Variants in AP4S1 observed in about 807,000 individuals in gnomAD.
The protein encoded by AP4S1 is AP-4 complex subunit sigma-1.
AP4S1 carries 23 observed loss-of-function variants against 19.8 expected under a neutral mutation model. The observed-to-expected ratio is 1.16, with a 90% CI of 0.84 to 1.65. AP4S1 has a LOEUF of 1.65. AP4S1 is among the 40% of genes most tolerant of loss of function. The probability of loss-of-function intolerance (pLI) is 0.00; values close to 1 mark genes in which losing one functional copy is unlikely to be tolerated. For synonymous variants in AP4S1, 46 were observed against 54.1 expected (o/e 0.85, Z 0.66); for missense variants, 166 against 172.8 (o/e 0.96, Z 0.22).
intron 4 of AP4S1, among the ~76,000 whole-genome samples, chr14:31,076,984 T>C (rs955733766): frequency 6.6e-6 from 1 of 152,194 alleles, no homozygotes; most frequent in South Asian, 2.1e-4. Context: ...CAGGTTGGAG[T>C]GCAATGGCGT....
chr14:31,045,859 C>T (rs1228484465), intron 1 of AP4S1, among the ~76,000 whole-genome samples: 1 of 151,962 alleles, frequency 6.6e-6, no homozygotes, highest in Admixed American at 6.6e-5. Flanking sequence ...CGTAGATAGC[C>T]TCAGGGTGGG....
At chr14:31,049,187 G>A (rs1474132375) in intron 1 of AP4S1, among the ~76,000 whole-genome samples, 2 of 151,738 alleles carry the variant, frequency 1.3e-5, no homozygotes, top group South Asian at 2.1e-4. Flanking sequence ...GTCGAGGCGG[G>A]TGGATCATGA....
chr14:31,039,780 G>A (rs1298206737), intron 1 of AP4S1, among the ~76,000 whole-genome samples: 2 of 151,394 alleles, frequency 1.3e-5, no homozygotes, highest in Non-Finnish European at 2.9e-5. Flanking sequence ...TAGTAGAGAC[G>A]GGGTTTCACC....
At chr14:31,029,833 CA>C (rs1465314838) in intron 1 of AP4S1, among the ~76,000 whole-genome samples, 2 of 150,670 alleles carry the variant, frequency 1.3e-5, no homozygotes, top group Admixed American at 6.6e-5. Context: ...TTAAGACAAA[CA>C]AAACCCTTCC....
At chr14:31,092,849 T>A in intron 5 of AP4S1, 58 bp from the exon 6 acceptor site, 1 of 1,361,734 alleles carries the variant, frequency 7.3e-7, no homozygotes, top group Non-Finnish European at 1.0e-6. Flanking sequence ...AAGCCATAAA[T>A]TTTTACTGAA....
chr14:31,026,341 G>C, intron 1 of AP4S1: 1 of 703,752 alleles, frequency 1.4e-6, no homozygotes, highest in Non-Finnish European at 2.0e-6. Context: ...TCAGAGCAGG[G>C]AGCTGCCGGC....
chr14:31,084,555 G>A (rs1043445249), intron 5 of AP4S1, among the ~76,000 whole-genome samples: 1 of 152,180 alleles, frequency 6.6e-6, no homozygotes, highest in Non-Finnish European at 1.5e-5. Flanking sequence ...GGTGGGGCGG[G>A]CTGCCCCCTT....
At chr14:31,067,874 A>G (rs1199542598) in intron 2 of AP4S1, among the ~76,000 whole-genome samples, 4 of 146,384 alleles carry the variant, frequency 2.7e-5, no homozygotes, top group Non-Finnish European at 6.0e-5. Flanking sequence ...CTTGAACACA[A>G]TATTTTTTTT....
chr14:31,066,307 GA>G lies in AP4S1; in HGVS notation c.112del (p.Ser38AlafsTer20), dbSNP rs764643375. ...RTLLETEVIK[S>X]CLSRSNEQCS... ...CACTTCTGGAAACAGAAGTCATAAAGAGCTGTCTCTCTCGATCCAATGAACA... is the reference window on the plus strand; with the variant it reads ...CACTTCTGGAAACAGAAGTCATAAAGGCTGTCTCTCTCGATCCAATGAACA... On this transcript the variant is annotated frameshift_variant, in exon 2 of 6. Coordinates refer to ENST00000542754, the MANE Select transcript of AP4S1 (RefSeq NM_001128126.3). LOFTEE classifies it high-confidence loss of function. The G allele has an allele frequency of 6.2e-6, 10 of 1,613,986 alleles. No individual in the cohort carries two copies. The highest frequency in any genetic ancestry group is 8.5e-6 in the Non-Finnish European group (10 of 1,179,944).
intron 1 of AP4S1, among the ~76,000 whole-genome samples, chr14:31,041,243 G>C (rs1269215475): frequency 6.6e-6 from 1 of 151,938 alleles, no homozygotes. Flanking sequence ...TCCACCTCCT[G>C]AGTTCAAGCA....
At chr14:31,066,062 T>G in intron 1 of AP4S1, 64 bp from the exon 2 acceptor site, 1 of 764,488 alleles carries the variant, frequency 1.3e-6, no homozygotes, top group Non-Finnish European at 2.1e-6. Context: ...TATAAAAACA[T>G]TTAATATAAT....
rs1888202760 is a variant in AP4S1 at position 31,096,336 on chromosome 14, C to T, written c.*3301C>T. 6.6e-6 allele frequency: 1 copy of T among 151,980 alleles called. No homozygotes were observed. The highest frequency in any genetic ancestry group is 1.5e-5 in the Non-Finnish European group (1 of 68,004). 9.4% of individuals were successfully genotyped at this position (151,980 alleles called of 1,614,324 possible). The stretch of plus-strand genomic sequence containing the variant: ...TTAGGCGAAAGTATGTACAGTAGTC[C>T]CTCTCTTATCCACTGTTTCGCATTC... On this transcript the variant is annotated 3_prime_UTR_variant, in exon 6 of 6. Coordinates refer to ENST00000542754, the MANE Select transcript of AP4S1 (RefSeq NM_001128126.3).
chr14:31,036,151 A>AT (rs780321748), intron 1 of AP4S1, among the ~76,000 whole-genome samples: 30 of 151,928 alleles, frequency 2.0e-4, no homozygotes, highest in Non-Finnish European at 3.8e-4. Context: ...ATAATCTAAT[A>AT]TATTGTTGCA....
chr14:31,038,174 T>A (rs1884887153), intron 1 of AP4S1, among the ~76,000 whole-genome samples: 1 of 152,224 alleles, frequency 6.6e-6, no homozygotes, highest in Non-Finnish European at 1.5e-5. Flanking sequence ...GCCTGGTATG[T>A]TTTATTTATT....
At chr14:31,074,367 A>ATAAATAAATAAG (rs59441565) in intron 4 of AP4S1, among the ~76,000 whole-genome samples, 3 of 129,116 alleles carry the variant, frequency 2.3e-5, no homozygotes, top group African/African-American at 8.7e-5. Flanking sequence ...AAATAAATAA[A>ATAAATAAATAAG]GTAAGCTGGG....
intron 1 of AP4S1, among the ~76,000 whole-genome samples, chr14:31,036,216 G>A (rs1043500304): frequency 6.6e-6 from 1 of 151,514 alleles, no homozygotes; most frequent in Non-Finnish European, 1.5e-5. Context: ...TTGTTCAATA[G>A]CAATAGATAA....
intron 1 of AP4S1, among the ~76,000 whole-genome samples, chr14:31,028,641 G>T (rs755323216): frequency 1.3e-5 from 2 of 151,766 alleles, no homozygotes; most frequent in Non-Finnish European, 2.9e-5. Context: ...GGCCAGGTGC[G>T]GTGGCTCACA....
intron 1 of AP4S1, among the ~76,000 whole-genome samples, chr14:31,045,801 C>G (rs1199067744): frequency 1.3e-5 from 2 of 152,014 alleles, no homozygotes; most frequent in African/African-American, 4.8e-5. Context: ...CACTGAGCCC[C>G]TTTCATAACC....
intron 5 of AP4S1, among the ~76,000 whole-genome samples, chr14:31,091,906 A>G (rs1888087557): frequency 6.6e-6 from 1 of 152,236 alleles, no homozygotes. Context: ...AACTTCAGAT[A>G]TTAAGGTGTA....
Sources: gnomAD v4.1 joint callset for allele counts (sites outside exome capture counted in the v4.1 genomes callset) on GRCh38, gnomAD v4.1.1 for gene constraint, MANE v1.5 for transcripts, NCBI Gene and HGNC (gene_info 2026-07-23, HGNC 2026-07-21) for gene names.